The following TMEM131 variants were observed in gnomAD, a reference collection of about 807,000 sequenced individuals.
TMEM131 encodes 2610524E03Rik.
TMEM131 carries 66 observed loss-of-function variants against 211.6 expected under a neutral mutation model. The observed-to-expected ratio is 0.31, with a 90% confidence interval of 0.26 to 0.38. The LOEUF (loss-of-function observed/expected upper bound fraction) is 0.38, where lower values mean the gene tolerates loss of function less well. TMEM131 is among the 10% of genes least tolerant of loss of function. TMEM131 has a pLI of 1.00. For missense variants in TMEM131, 2,036 were observed against 2,299.3 expected (o/e 0.89, Z 2.34); for synonymous variants, 844 against 841.3 (o/e 1.00, Z -0.06).
rs1479487485 is a variant in TMEM131 at position 97,814,278 on chromosome 2, A to G, written c.1403T>C (p.Ile468Thr). 6.2e-7 allele frequency: 1 copy of G among 1,613,866 alleles called. No homozygotes were observed. The highest frequency in any genetic ancestry group is 8.5e-7 in the Non-Finnish European group (1 of 1,179,882). Reference protein sequence around the residue: ...LTNTFSFAILIHDVLLPEEAK... With the variant: ...LTNTFSFAILTHDVLLPEEAK... ...TTCTTCTGGTAGCAACACATCGTGA[A>G]TGAGGATCGCAAAACTGAAAGTGTT... The change falls in exon 14 of 41, where the codon ATT becomes ACT. Residue 468 changes from isoleucine to threonine, a missense_variant. Coordinates refer to ENST00000186436, the MANE Select transcript of TMEM131 (RefSeq NM_015348.2).
At chr2:97,919,458 T>C (rs931558645) in intron 2 of TMEM131, among the ~76,000 whole-genome samples, 1 of 152,220 alleles carries the variant, frequency 6.6e-6, no homozygotes, top group African/African-American at 2.4e-5. Context: ...TTTTATTATA[T>C]ATTATTTTTG....
chr2:97,983,100 C>A (rs1167858950), intron 1 of TMEM131, among the ~76,000 whole-genome samples: 1 of 152,200 alleles, frequency 6.6e-6, no homozygotes, highest in Non-Finnish European at 1.5e-5. Flanking sequence ...TGCCTTTGCT[C>A]ACTAGAAGCA....
chr2:97,994,847 G>C (rs976228538), intron 1 of TMEM131, among the ~76,000 whole-genome samples: 3 of 152,128 alleles, frequency 2.0e-5, no homozygotes, highest in Non-Finnish European at 4.4e-5. Flanking sequence ...GCAACTTCAC[G>C]TTTATTTTTA....
rs1680797576 is a variant in TMEM131, at chr2:97,796,984, T to C, written c.2873A>G (p.Asn958Ser). 2 of 1,608,928 alleles carry C rather than the reference T, an allele frequency of 1.2e-6. No homozygotes were observed. Among genetic ancestry groups the C allele is most frequent in the African/African-American group, 1.3e-5 (1 of 74,764 alleles). The change falls in exon 27 of 41, where the codon AAT becomes AGT. Residue 958 changes from asparagine (N) to serine (S), a missense_variant and splice_region_variant. Asn to Ser is a conservative substitution (Grantham distance 46). Transcript: ENST00000186436. ...RTVSSLIIVR[N>S]NLTVMDAVMV... is the part of the protein sequence containing the mutation. ...CACAGCATCCATCACAGTCAGGTTA[T>C]TTCTATGCAAGAATGAGAATTACAG...
intron 3 of TMEM131, among the ~76,000 whole-genome samples, chr2:97,895,164 G>A (rs2104302263): frequency 6.6e-6 from 1 of 152,228 alleles, no homozygotes; most frequent in South Asian, 2.1e-4. Context: ...TTTATGTGAT[G>A]GATTACGTTT....
chr2:97,770,960 G>T (rs765413992), intron 33 of TMEM131, among the ~76,000 whole-genome samples: 7 of 152,172 alleles, frequency 4.6e-5, no homozygotes, highest in East Asian at 1.9e-4. Context: ...CCAAGAAGAA[G>T]AATCTCTAGC....
At chr2:97,780,736 C>T (rs1679955082) in intron 31 of TMEM131, among the ~76,000 whole-genome samples, 1 of 152,090 alleles carries the variant, frequency 6.6e-6, no homozygotes, top group Non-Finnish European at 1.5e-5. Context: ...ACTCAATGAA[C>T]AGTGGGGAAG....
At position 97,760,597 on chromosome 2, in the gene TMEM131, C is replaced by T. The variant is rs1376582637; in HGVS notation, c.5104G>A (p.Asp1702Asn). 1.2e-6 allele frequency: 2 copies of T among 1,609,982 alleles called. No individual in the cohort carries two copies. Among genetic ancestry groups the T allele is most frequent in the East Asian group, 4.5e-5 (2 of 44,786 alleles). Reference sequence around the variant, plus strand: ...GTTAGTGGTGGTCTACCGTACCTGTCTGAGCCATCGCTGTCAACAGGAGCG... The same window carrying T: ...GTTAGTGGTGGTCTACCGTACCTGTTTGAGCCATCGCTGTCAACAGGAGCG... ...SHAPVDSDGS[D>N]SSGLWSPVSN... Residue 1702 changes from aspartate to asparagine, a missense_variant, in exon 38 of 41, where the codon GAC becomes AAC. By Grantham distance (23) the Asp-to-Asn change is conservative. Transcript: ENST00000186436.
intron 1 of TMEM131, among the ~76,000 whole-genome samples, chr2:97,959,395 G>A (rs1247705342): frequency 6.6e-6 from 1 of 152,182 alleles, no homozygotes; most frequent in African/African-American, 2.4e-5. Context: ...AGCCACTGTG[G>A]TCCTGACTCT....
chr2:97,796,904 C>T lies in TMEM131; in HGVS notation c.2953G>A (p.Gly985Ser). Reference sequence around the variant, plus strand: ...TTAAAGCGTAAGGAGCTTCCTGGACCTGGAAGCTTGCCTGCCACCCTCAAG... The same window carrying T: ...TTAAAGCGTAAGGAGCTTCCTGGACTTGGAAGCTTGCCTGCCACCCTCAAG... Reference protein sequence around the residue: ...ENLRVAGKLPGPGSSLRFKIT... With the variant: ...ENLRVAGKLPSPGSSLRFKIT... The change falls in exon 27 of 41, where the codon GGT (glycine) becomes AGT (serine). Residue 985 changes from glycine (G) to serine (S), a missense_variant. Transcript: ENST00000186436. The T allele has an allele frequency of 1.2e-6, 2 of 1,613,950 alleles. No individual in the cohort carries two copies. Among genetic ancestry groups the T allele is most frequent in the South Asian group, 1.1e-5 (1 of 91,082 alleles).
intron 4 of TMEM131, among the ~76,000 whole-genome samples, chr2:97,886,353 T>C (rs1675157748): frequency 6.6e-6 from 1 of 152,222 alleles, no homozygotes; most frequent in Non-Finnish European, 1.5e-5. Flanking sequence ...TGTGTCCCCA[T>C]GTTGATTTCT....
intron 1 of TMEM131, among the ~76,000 whole-genome samples, chr2:97,979,066 T>C (rs531546913): frequency 7.9e-5 from 12 of 152,346 alleles, no homozygotes; most frequent in South Asian, 6.2e-4. Context: ...GGGTGACCAG[T>C]TGCCTTTTTA....
At chr2:97,930,327 G>A (rs1677166924) in intron 1 of TMEM131, among the ~76,000 whole-genome samples, 1 of 151,786 alleles carries the variant, frequency 6.6e-6, no homozygotes, top group Admixed American at 6.6e-5. Context: ...CAGAAGAAAT[G>A]CTGATCTAAC....
chr2:97,775,174 T>C (rs1008201804), intron 32 of TMEM131, among the ~76,000 whole-genome samples: 2 of 152,330 alleles, frequency 1.3e-5, no homozygotes, highest in South Asian at 4.1e-4. Flanking sequence ...ACAGCAGTAA[T>C]CTGACCCCGT....
chr2:97,762,408 C>T (rs992810802), intron 35 of TMEM131: 3 of 499,158 alleles, frequency 6.0e-6, no homozygotes, highest in African/African-American at 4.0e-5. Flanking sequence ...GGAGCAAGAG[C>T]GTGCCCGGTC....
chr2:97,792,751 G>A lies in TMEM131; in HGVS notation c.3779C>T (p.Thr1260Ile). ...QAASSQSANK[T>I]SPLVLDSNTV... ...GTTCGAATCTAAGACAAGGGGGCTT[G>A]TTTTGTTAGCAGACTGTGAAGAAGC... Residue 1260 changes from threonine (T) to isoleucine (I), a missense_variant, in exon 31 of 41, where the codon ACA becomes ATA. Transcript: ENST00000186436. 6.2e-7 allele frequency: 1 copy of A among 1,614,070 alleles called. No individual in the cohort carries two copies.
chr2:97,797,445 T>C lies in TMEM131; in HGVS notation c.2790A>G (p.Leu930=). Residue 930 remains leucine (L), a synonymous_variant, in exon 26 of 41, where the codon TTA becomes TTG. Coordinates refer to ENST00000186436, the MANE Select transcript of TMEM131 (RefSeq NM_015348.2). ...TGACAGATTTCTTTTCTCCAGGTTT[T>C]AAAATTAGGTTTAAAATTAAATGTC... ...LSRHLILNLI[L]KPGEKKSVKV... is the part of the protein sequence containing the mutation. 6.2e-7 allele frequency: 1 copy of C among 1,613,386 alleles called. No homozygotes were observed. Among genetic ancestry groups the C allele is most frequent in the Non-Finnish European group, 8.5e-7 (1 of 1,179,628 alleles).
In TMEM131 at chr2:97,884,582, T is replaced by A. The variant is rs115493877; in HGVS notation, c.359+3470A>T. Among the ~76,000 whole-genome samples, 455 of 152,348 alleles carry A rather than the reference T, an allele frequency of 3.0e-3. 1 individual carries two copies. The highest frequency in any genetic ancestry group is 0.01 in the African/African-American group (435 of 41,576). On this transcript the variant is annotated intron_variant, in intron 4 of 40. Coordinates refer to ENST00000186436, the MANE Select transcript of TMEM131 (RefSeq NM_015348.2). ...CTCTCCCTTTAGATCTAATAGTTGC[T>A]TTTTATATCTGGGTGCTCTAGTGCT...
chr2:97,942,145 A>T (rs1331369841), intron 1 of TMEM131, among the ~76,000 whole-genome samples: 1 of 152,114 alleles, frequency 6.6e-6, no homozygotes, highest in Non-Finnish European at 1.5e-5. Flanking sequence ...CTATGCAGCC[A>T]TTAAAAAGGA....
Sources: allele counts gnomAD v4.1 joint callset (sites outside exome capture counted in the v4.1 genomes callset), GRCh38; gene constraint gnomAD v4.1.1; transcripts MANE v1.5; gene names NCBI Gene and HGNC (gene_info 2026-07-23, HGNC 2026-07-21).